Variants in NDC1 observed in about 807,000 individuals in gnomAD.
The protein encoded by NDC1 is nucleoporin NDC1.
A neutral mutation model predicts 89.8 loss-of-function variants in NDC1; 24 were observed. The observed-to-expected ratio is 0.27, with a 90% CI of 0.19 to 0.38. NDC1 has a LOEUF of 0.38. Among genes scored for constraint, NDC1 ranks in the 10% least tolerant of loss-of-function variants. The pLI, the probability that NDC1 is intolerant of heterozygous loss-of-function variation, is 1.00. For synonymous variants in NDC1, 296 were observed against 284.8 expected, an observed-to-expected ratio of 1.04 and a Z score of -0.39; for missense variants, 728 against 797.6, an observed-to-expected ratio of 0.91 and a Z score of 1.05.
intron 5 of NDC1, among the ~76,000 whole-genome samples, chr1:53,823,801 CT>C (rs552383255): frequency 6.6e-6 from 1 of 152,100 alleles, no homozygotes; most frequent in South Asian, 2.1e-4. Flanking sequence ...CTAGATAGGA[CT>C]TTTTTTTCAT....
intron 16 of NDC1, among the ~76,000 whole-genome samples, chr1:53,779,709 T>C (rs1006185254): frequency 1.2e-4 from 18 of 152,212 alleles, no homozygotes; most frequent in Non-Finnish European, 1.5e-4. Context: ...ACACAGAAAA[T>C]AGTTTCTGAA....
At chr1:53,794,473 G>C (rs560174141) in intron 13 of NDC1, among the ~76,000 whole-genome samples, 1 of 152,070 alleles carries the variant, frequency 6.6e-6, no homozygotes, top group South Asian at 2.1e-4. Flanking sequence ...ATGGCATATA[G>C]AGCCGTATGG....
intron 14 of NDC1, among the ~76,000 whole-genome samples, chr1:53,792,012 G>T (rs557011788): frequency 2.7e-5 from 4 of 150,504 alleles, no homozygotes; most frequent in East Asian, 2.0e-4. Context: ...GCTCTATCTC[G>T]GCTCACTGCA....
chr1:53,772,719 AACAAAAC>A (rs1404948657), intron 16 of NDC1, among the ~76,000 whole-genome samples: 2 of 148,818 alleles, frequency 1.3e-5, no homozygotes, highest in African/African-American at 5.1e-5. Context: ...AACATAACAT[AACAAAAC>A]AAAACAAACA....
At chr1:53,831,878 TAA>T (rs1649079600) in intron 3 of NDC1, among the ~76,000 whole-genome samples, 2 of 151,824 alleles carry the variant, frequency 1.3e-5, no homozygotes, top group African/African-American at 2.4e-5. Context: ...AGGCAAAACA[TAA>T]GTTTTTTTTT....
Position 53,793,299 on chromosome 1 carries a change from G to T in NDC1, c.1585-20C>A. ...CTTAATCTGAGTTGGAAAAAAGGAA[G>T]AATTAACACATTTACCTTTTAAATT... On this transcript the variant is annotated intron_variant, in intron 13 of 17. Transcript: ENST00000371429. 1 of 1,574,464 alleles carries T rather than the reference G, an allele frequency of 6.4e-7. No individual in the cohort carries two copies. Among genetic ancestry groups the T allele is most frequent in the Non-Finnish European group, 8.7e-7 (1 of 1,144,012 alleles).
At chr1:53,821,122 T>G (rs1349044094) in intron 5 of NDC1, among the ~76,000 whole-genome samples, 1 of 152,104 alleles carries the variant, frequency 6.6e-6, no homozygotes, top group African/African-American at 2.4e-5. Flanking sequence ...TGAATGGAGA[T>G]GCCTACAGTA....
chr1:53,779,363 T>C (rs1647186401), intron 16 of NDC1, among the ~76,000 whole-genome samples: 1 of 152,034 alleles, frequency 6.6e-6, no homozygotes, highest in Non-Finnish European at 1.5e-5. Context: ...TAACATACTT[T>C]TTTTTTTTAC....
chr1:53,795,509 T>C (rs577805516), intron 13 of NDC1, among the ~76,000 whole-genome samples: 33 of 152,274 alleles, frequency 2.2e-4, no homozygotes, highest in Admixed American at 3.3e-4. Context: ...TTCTCCAGAA[T>C]CATCAGTAAA....
chr1:53,782,148 AG>A (rs1184502742), intron 16 of NDC1, among the ~76,000 whole-genome samples: 2 of 152,118 alleles, frequency 1.3e-5, no homozygotes, highest in Non-Finnish European at 2.9e-5. Context: ...CAGCATGTGC[AG>A]TTAGAGTCAA....
intron 16 of NDC1, among the ~76,000 whole-genome samples, chr1:53,784,946 G>A (rs1405542620): frequency 6.6e-6 from 1 of 150,678 alleles, no homozygotes; most frequent in Admixed American, 6.7e-5. Context: ...CAACAGAGCA[G>A]AGACTCAATC....
chr1:53,828,818 G>T (rs531648049), intron 3 of NDC1, among the ~76,000 whole-genome samples: 1 of 151,500 alleles, frequency 6.6e-6, no homozygotes, highest in Non-Finnish European at 1.5e-5. Context: ...CACCATGTTG[G>T]TCAGGCTGGT....
At chr1:53,774,574 T>C (rs1288195035) in intron 16 of NDC1, among the ~76,000 whole-genome samples, 1 of 152,120 alleles carries the variant, frequency 6.6e-6, no homozygotes, top group Non-Finnish European at 1.5e-5. Context: ...GACAAGGTAA[T>C]GTAAAATAAC....
intron 11 of NDC1, 127 bp downstream of exon 11, chr1:53,800,566 C>A: frequency 3.4e-6 from 3 of 890,964 alleles, no homozygotes; most frequent in Non-Finnish European, 5.3e-6. Context: ...ACCTCATGAT[C>A]CGCCCACCTC....
intron 17 of NDC1, chr1:53,771,107 C>CCCTG (rs1647109703): frequency 5.2e-6 from 1 of 191,530 alleles, no homozygotes; most frequent in African/African-American, 2.4e-5. Flanking sequence ...ACAATGTCCC[C>CCCTG]CCTGCCTGGA....
chr1:53,833,993 G>C lies in NDC1; in HGVS notation c.179-1402C>G, dbSNP rs1029711001. ...CTACAGGTGCATGCCACCACACCCA[G>C]GCTGGTCATAAACTCCTGAGCTCAG... is the stretch of plus-strand genomic sequence containing the variant. On this transcript the variant is annotated intron_variant, in intron 2 of 17. Transcript: ENST00000371429. Among the ~76,000 whole-genome samples, 7 of 152,072 alleles carry C rather than the reference G, an allele frequency of 4.6e-5. No individual in the cohort carries two copies. In the East Asian group the frequency reaches 1.4e-3, roughly 29 times the overall value.
At chr1:53,786,368 G>A (rs1647310236) in intron 16 of NDC1, among the ~76,000 whole-genome samples, 1 of 152,210 alleles carries the variant, frequency 6.6e-6, no homozygotes, top group Admixed American at 6.5e-5. Flanking sequence ...GAAAGCATGT[G>A]TTTTATTTTT....
Position 53,806,407 on chromosome 1 carries a change from G to A in NDC1, c.984+18C>T, listed in dbSNP as rs367891801. ...GTTAGAGAAAACTGTGTGAAGATAT[G>A]CAACACAGTTTGGATACCTTTATGA... is the stretch of plus-strand genomic sequence containing the variant. On this transcript the variant is annotated intron_variant, in intron 9 of 17. Coordinates refer to ENST00000371429, the MANE Select transcript of NDC1 (RefSeq NM_018087.5). 10 of 1,458,174 alleles carry A rather than the reference G, an allele frequency of 6.9e-6. No homozygotes were observed. In the African/African-American group the frequency reaches 8.8e-5, roughly 13 times the overall value. 90.3% of individuals were successfully genotyped at this position (1,458,174 alleles called of 1,614,324 possible).
rs1242220501 is a variant in NDC1, at chr1:53,832,591, T to A, written c.179A>T (p.Asp60Val). ...DLFHPIQWLS[D>V]SFSDLYSSYV... ...GGAACTATACAGGTCACTGAAAGAATCTAAAACACAAGAGAGATGAATTAG... is the reference window on the plus strand; with the variant it reads ...GGAACTATACAGGTCACTGAAAGAAACTAAAACACAAGAGAGATGAATTAG... Residue 60 changes from aspartate to valine, a missense_variant and splice_region_variant, in exon 3 of 18, where the codon GAT becomes GTT. Physicochemically the swap from Asp to Val is radical, Grantham distance 152. Transcript: ENST00000371429. 6.7e-7 allele frequency: 1 copy of A among 1,498,696 alleles called. No individual in the cohort carries two copies. Among genetic ancestry groups the A allele is most frequent in the East Asian group, 2.3e-5 (1 of 44,268 alleles). The allele number at this position is 1,498,696 out of a possible 1,614,324, so 92.8% of individuals were successfully genotyped here.
Sources: allele counts gnomAD v4.1 joint callset (sites outside exome capture counted in the v4.1 genomes callset), GRCh38; gene constraint gnomAD v4.1.1; transcripts MANE v1.5; gene names NCBI Gene and HGNC (gene_info 2026-07-23, HGNC 2026-07-21).